Variants in TIAM2 observed in about 807,000 individuals in gnomAD.
The protein encoded by TIAM2 is TIAM Rac1 associated GEF 2.
A neutral mutation model predicts 152.9 loss-of-function variants in TIAM2; 80 were observed. The ratio of observed to expected loss-of-function variants is 0.52; its 90% CI spans 0.44 to 0.63. The LOEUF (loss-of-function observed/expected upper bound fraction) is 0.63, where lower values mean the gene tolerates loss of function less well. Ranked by LOEUF, TIAM2 falls within the 30% of genes least tolerant of loss-of-function variation. The probability of loss-of-function intolerance (pLI) is 0.00; values close to 1 mark genes in which losing one functional copy is unlikely to be tolerated. For synonymous variants in TIAM2, 804 were observed against 838.0 expected (o/e 0.96, Z 0.70); for missense variants, 1,965 against 2,120.1 (o/e 0.93, Z 1.44).
intron 15 of TIAM2, among the ~76,000 whole-genome samples, chr6:155,226,499 A>G (rs1167655725): frequency 1.3e-5 from 2 of 152,038 alleles, no homozygotes; most frequent in Non-Finnish European, 2.9e-5. Context: ...GTGAAACCCC[A>G]TCTCTACTAA....
chr6:155,109,730 T>C (rs1011956970), intron 2 of TIAM2, among the ~76,000 whole-genome samples: 15 of 152,094 alleles, frequency 9.9e-5, no homozygotes, highest in Admixed American at 9.8e-4. Context: ...AAGGAGACAA[T>C]TGAAGAACCA....
At chr6:155,159,048 A>G (rs1250372410) in intron 7 of TIAM2, among the ~76,000 whole-genome samples, 1 of 152,186 alleles carries the variant, frequency 6.6e-6, no homozygotes. Context: ...ATAATAGCTA[A>G]AAGATTGTCT....
At chr6:155,130,444 G>T in intron 4 of TIAM2, 27 bp downstream of exon 4, 1 of 1,587,008 alleles carries the variant, frequency 6.3e-7, no homozygotes, top group South Asian at 1.2e-5. Flanking sequence ...GCAGAGGGAA[G>T]GGTCCCCACA....
Position 155,130,235 on chromosome 6 carries a change from G to T in TIAM2, c.1012G>T (p.Asp338Tyr), listed in dbSNP as rs747151212. The T allele has an allele frequency of 6.2e-7, 1 of 1,614,096 alleles. No individual in the cohort carries two copies. The highest frequency in any genetic ancestry group is 1.7e-5 in the Admixed American group (1 of 60,002). Residue 338 changes from aspartate to tyrosine, a missense_variant, in exon 4 of 27, where the codon GAC (aspartate) becomes TAC (tyrosine). Physicochemically the swap from Asp to Tyr is radical, Grantham distance 160 (BLOSUM62 -3). Coordinates refer to ENST00000682666, the MANE Select transcript of TIAM2 (RefSeq NM_012454.4). The part of the protein sequence containing the change: ...SLSNRVSFAS[D>Y]IDVPSRVAHG... ...GAGCAACCGTGTCTCTTTTGCTTCC[G>T]ACATTGATGTGCCCTCCAGAGTGGC...
intron 1 of TIAM2, among the ~76,000 whole-genome samples, chr6:155,029,387 A>ATATACTATAGTATATATAATATATAC (rs1776743985): frequency 1.0e-5 from 1 of 96,948 alleles, no homozygotes; most frequent in African/African-American, 3.7e-5. Context: ...ATACTATGTT[A>ATATACTATAGTATATATAATATATAC]TATATATACT....
In TIAM2 at chr6:155,048,999, C is replaced by T. The variant is rs1777265547; in HGVS notation, c.-208-41290C>T. Among the ~76,000 whole-genome samples the T allele has an allele frequency of 2.0e-5, 3 of 152,130 alleles. No individual in the cohort carries two copies. In the South Asian group the frequency reaches 6.2e-4, roughly 32 times the overall value. On this transcript the variant is annotated intron_variant, in intron 1 of 26. Coordinates refer to ENST00000682666, the MANE Select transcript of TIAM2 (RefSeq NM_012454.4). ...TATTTTTAGTAGAGACGGGTTTTCA[C>T]CATATTGGTCAGGCTGGTCTCGAAC...
At chr6:155,248,586 G>T (rs1783470251) in intron 20 of TIAM2, among the ~76,000 whole-genome samples, 2 of 152,244 alleles carry the variant, frequency 1.3e-5, no homozygotes, top group African/African-American at 4.8e-5. Flanking sequence ...GGTCAGATTT[G>T]TTGGGTGAGG....
At chr6:155,172,672 ATATATATATATATATTTTTTTTTTTTT>A (rs1196447980) in intron 9 of TIAM2, among the ~76,000 whole-genome samples, 142 of 12,462 alleles carry the variant, frequency 0.011, 1 homozygote, top group East Asian at 0.071. Flanking sequence ...ATATATATAT[ATATATATATATATATTTTTTTTTTTTT>A]TTTTTTTTTT....
Position 155,248,072 on chromosome 6 carries a change from A to C in TIAM2, c.3725A>C (p.Glu1242Ala). ...ACCAAGCAGCATTCCTCCACGCTGGAGTCCTACCTCATCAAGCCGGTTCAG... is the reference window on the plus strand; with the variant it reads ...ACCAAGCAGCATTCCTCCACGCTGGCGTCCTACCTCATCAAGCCGGTTCAG... The part of the protein sequence containing the change: ...NPTKQHSSTL[E>A]SYLIKPVQRV... Residue 1242 changes from glutamate to alanine, a missense_variant, in exon 20 of 27, where the codon GAG (glutamate) becomes GCG (alanine). Physicochemically the swap from Glu to Ala is moderately radical, Grantham distance 107. Transcript: ENST00000682666. 1 of 1,614,224 alleles carries C rather than the reference A, an allele frequency of 6.2e-7. No homozygotes were observed. The highest frequency in any genetic ancestry group is 2.2e-5 in the East Asian group (1 of 44,882).
At chr6:155,196,541 A>G (rs1425150103) in intron 14 of TIAM2, among the ~76,000 whole-genome samples, 1 of 152,218 alleles carries the variant, frequency 6.6e-6, no homozygotes, top group African/African-American at 2.4e-5. Flanking sequence ...AATCTTACCT[A>G]GAAGATGCTC....
Position 155,172,657 on chromosome 6 carries a change from TATATATATATATATATATATATA to T in TIAM2, c.2362-4158_2362-4136del, listed in dbSNP as rs1562340970. ...CTAGTTGGAAATATATATATATATA[TATATATATATATATATATATATA>T]TATATATTTTTTTTTTTTTTTTTTT... On this transcript the variant is annotated intron_variant, in intron 9 of 26. Transcript: ENST00000682666. Among the ~76,000 whole-genome samples the T allele has an allele frequency of 7.0e-3, 74 of 10,602 alleles. 2 individuals carry two copies. Among genetic ancestry groups the T allele is most frequent in the African/African-American group, 0.016 (71 of 4,494 alleles). The allele number at this position is 10,602 out of a possible 152,430, so 7.0% of individuals were successfully genotyped here. A position where few individuals can be genotyped will look rare whatever the true frequency, so the allele number is the denominator to read the frequency against.
rs1377614780 is a variant in TIAM2, at chr6:155,114,053, T to A, written c.-117-13437T>A. On this transcript the variant is annotated intron_variant, in intron 2 of 26. Transcript: ENST00000682666. ...ATATATATATTTTTTTTTTTTTCTT[T>A]TTTTTTTTTTTTTTTTTTGAAATGG... is the stretch of plus-strand genomic sequence containing the variant. Among the ~76,000 whole-genome samples, 238 of 97,716 alleles carry A rather than the reference T, an allele frequency of 2.4e-3. 4 individuals are homozygous for A. The highest frequency in any genetic ancestry group is 8.6e-3 in the African/African-American group (212 of 24,628). The allele number at this position is 97,716 out of a possible 152,430, so 64.1% of individuals were successfully genotyped here.
chr6:155,177,797 T>G (rs1780790959), intron 10 of TIAM2, among the ~76,000 whole-genome samples: 1 of 152,186 alleles, frequency 6.6e-6, no homozygotes, highest in South Asian at 2.1e-4. Flanking sequence ...ATATGTAACG[T>G]TTTTATTCAG....
chr6:155,076,362 G>C (rs1200086030), intron 1 of TIAM2, among the ~76,000 whole-genome samples: 1 of 152,160 alleles, frequency 6.6e-6, no homozygotes, highest in East Asian at 1.9e-4. Flanking sequence ...TGAGGTTTTA[G>C]TTATTCATCC....
chr6:155,144,591 TTC>T lies in TIAM2; in HGVS notation c.1631-11_1631-10del, dbSNP rs775848464. 1 of 1,498,378 alleles carries T rather than the reference TTC, an allele frequency of 6.7e-7. No individual in the cohort carries two copies. The highest frequency in any genetic ancestry group is 8.9e-7 in the Non-Finnish European group (1 of 1,129,920). 92.8% of individuals were successfully genotyped at this position (1,498,378 alleles called of 1,614,324 possible). A position where few individuals can be genotyped will look rare whatever the true frequency, so the allele number is the denominator to read the frequency against. On this transcript the variant is annotated splice_polypyrimidine_tract_variant and intron_variant, in intron 5 of 26. Coordinates refer to ENST00000682666, the MANE Select transcript of TIAM2 (RefSeq NM_012454.4). ...AGGTCTGACCGGGATGTTATTTTGC[TTC>T]TCTGTTTCACAGGATGCACGCTGCT...
At chr6:155,003,688 C>G (rs1778352640) in intron 1 of TIAM2, among the ~76,000 whole-genome samples, 1 of 152,204 alleles carries the variant, frequency 6.6e-6, no homozygotes, top group Non-Finnish European at 1.5e-5. Context: ...TGCCTTATCT[C>G]TCCCCCTCTA....
intron 2 of TIAM2, among the ~76,000 whole-genome samples, chr6:155,095,740 A>C (rs928890131): frequency 6.6e-6 from 1 of 152,212 alleles, no homozygotes; most frequent in Non-Finnish European, 1.5e-5. Flanking sequence ...CTTATTAGGA[A>C]TCTTCCAGCT....
chr6:155,015,944 C>CAAAAA (rs3081689), intron 1 of TIAM2, among the ~76,000 whole-genome samples: 39 of 61,830 alleles, frequency 6.3e-4, no homozygotes, highest in Non-Finnish European at 9.6e-4. Flanking sequence ...TTCAAAAAAC[C>CAAAAA]AAAAAAAAAA....
At chr6:155,227,947 C>T (rs1782305558) in intron 15 of TIAM2, among the ~76,000 whole-genome samples, 2 of 152,196 alleles carry the variant, frequency 1.3e-5, no homozygotes, top group South Asian at 4.1e-4. Flanking sequence ...GAACTATTAT[C>T]AGAGCAGAGT....
Sources: gnomAD v4.1 joint callset for allele counts (sites outside exome capture counted in the v4.1 genomes callset) on GRCh38, gnomAD v4.1.1 for gene constraint, MANE v1.5 for transcripts, NCBI Gene and HGNC (gene_info 2026-07-23, HGNC 2026-07-21) for gene names.